Variants in UBE2L6 observed in about 807,000 individuals in gnomAD.
UBE2L6 encodes the protein ubiquitin conjugating enzyme E2 L6.
UBE2L6 carries 11 observed loss-of-function variants against 13.6 expected under a neutral mutation model. The ratio of observed to expected loss-of-function variants is 0.81; its 90% CI spans 0.51 to 1.34. UBE2L6 has a LOEUF of 1.34. Ranked by LOEUF, UBE2L6 falls within the 40% of genes most tolerant of loss-of-function variation. The pLI is 0.00. For synonymous variants in UBE2L6, 74 were observed against 83.2 expected (o/e 0.89, Z 0.60); for missense variants, 197 against 199.5 (o/e 0.99, Z 0.07).
chr11:57,560,783 G>A (rs1002282517), intron 1 of UBE2L6, among the ~76,000 whole-genome samples: 4 of 151,982 alleles, frequency 2.6e-5, no homozygotes, highest in East Asian at 1.9e-4. Flanking sequence ...ACCACGCCCC[G>A]CTAATTTTTT....
intron 1 of UBE2L6, among the ~76,000 whole-genome samples, chr11:57,561,128 T>G (rs186163290): frequency 6.6e-6 from 1 of 152,180 alleles, no homozygotes; most frequent in Non-Finnish European, 1.5e-5. Context: ...TCTAATTCCC[T>G]TCCTCTCTTC....
intron 1 of UBE2L6, among the ~76,000 whole-genome samples, chr11:57,566,572 T>A (rs1257873001): frequency 6.6e-6 from 1 of 151,792 alleles, no homozygotes; most frequent in Non-Finnish European, 1.5e-5. Flanking sequence ...CTGGCTCCCA[T>A]CTCTCTTCCA....
In UBE2L6 at chr11:57,560,278, C is replaced by A. The variant is rs116548881; in HGVS notation, c.123+59G>T. ...TCTTGCCTAGTCCTAACCCTCCCTG[C>A]CCATGTCCCTGGCCTAATTTGGCCC... On this transcript the variant is annotated intron_variant, in intron 2 of 3. Coordinates refer to ENST00000287156, the MANE Select transcript of UBE2L6 (RefSeq NM_004223.5). The A allele has an allele frequency of 2.3e-3, 3,163 of 1,405,076 alleles. 58 individuals are homozygous for A. In the African/African-American group the frequency reaches 0.039, roughly 17 times the overall value. The allele number at this position is 1,405,076 out of a possible 1,614,324, so 87.0% of individuals were successfully genotyped here.
intron 2 of UBE2L6, among the ~76,000 whole-genome samples, chr11:57,554,847 T>A (rs2135273768): frequency 6.6e-6 from 1 of 152,366 alleles, no homozygotes; most frequent in East Asian, 1.9e-4. Flanking sequence ...TGGCTTTTGC[T>A]GTGTGACCAC....
chr11:57,552,192 C>G lies in UBE2L6; in HGVS notation c.*166G>C. The G allele has an allele frequency of 1.0e-6, 1 of 986,094 alleles. No individual in the cohort carries two copies. The highest frequency in any genetic ancestry group is 1.5e-6 in the Non-Finnish European group (1 of 660,684). The allele number at this position is 986,094 out of a possible 1,614,324, so 61.1% of individuals were successfully genotyped here. Reference sequence around the variant, plus strand: ...AGTGAGTCCATACACAACACACACACTCATAGCTCCCTTCCCTCCACCACA... The same window carrying G: ...AGTGAGTCCATACACAACACACACAGTCATAGCTCCCTTCCCTCCACCACA... On this transcript the variant is annotated 3_prime_UTR_variant, in exon 4 of 4. Transcript: ENST00000287156.
upstream of UBE2L6, chr11:57,567,818 C>T (rs1945106335): frequency 1.9e-6 from 1 of 522,220 alleles, no homozygotes; most frequent in African/African-American, 2.0e-5. Flanking sequence ...CCGCCCGATC[C>T]CCGCGCGGAA....
At chr11:57,567,539 G>C (rs201908388) in intron 1 of UBE2L6, 46 bp downstream of exon 1, 2 of 1,598,324 alleles carry the variant, frequency 1.3e-6, no homozygotes, top group East Asian at 4.5e-5. Context: ...GGGAATGCGG[G>C]AGGCGAGGGG....
At chr11:57,556,287 C>T (rs557016390) in intron 2 of UBE2L6, among the ~76,000 whole-genome samples, 1 of 151,976 alleles carries the variant, frequency 6.6e-6, no homozygotes, top group East Asian at 1.9e-4. Context: ...CACTCACTAG[C>T]CATGTGATCT....
intron 2 of UBE2L6, among the ~76,000 whole-genome samples, chr11:57,560,043 C>A (rs1444636516): frequency 6.6e-6 from 1 of 152,144 alleles, no homozygotes; most frequent in Non-Finnish European, 1.5e-5. Flanking sequence ...ATTTCTTCTT[C>A]TTTTTGATGC....
chr11:57,553,663 AT>A (rs1485334472), intron 3 of UBE2L6, among the ~76,000 whole-genome samples: 1 of 152,044 alleles, frequency 6.6e-6, no homozygotes, highest in African/African-American at 2.4e-5. Flanking sequence ...ACCCCTCTCT[AT>A]TAAAAATACA....
intron 1 of UBE2L6, among the ~76,000 whole-genome samples, chr11:57,566,177 A>G (rs1945090394): frequency 6.6e-6 from 1 of 152,224 alleles, no homozygotes; most frequent in African/African-American, 2.4e-5. Flanking sequence ...AGGTCTTGGA[A>G]AGATAAAGAC....
chr11:57,565,905 G>T (rs1314294279), intron 1 of UBE2L6, among the ~76,000 whole-genome samples: 2 of 152,160 alleles, frequency 1.3e-5, no homozygotes, highest in Non-Finnish European at 2.9e-5. Flanking sequence ...TGGACCATTT[G>T]AACTTTCTCT....
chr11:57,560,256 T>G lies in UBE2L6; in HGVS notation c.123+81A>C, dbSNP rs1945028158. On this transcript the variant is annotated intron_variant, in intron 2 of 3. Transcript: ENST00000287156. ...AAGGATCTCAAGCAGGGAAAATTCTTGCCTAGTCCTAACCCTCCCTGCCCA... is the reference window on the plus strand; with the variant it reads ...AAGGATCTCAAGCAGGGAAAATTCTGGCCTAGTCCTAACCCTCCCTGCCCA... The G allele has an allele frequency of 5.5e-6, 6 of 1,092,642 alleles. No individual in the cohort carries two copies. The East Asian group carries it at 1.2e-4, about 22-fold the overall frequency. 67.7% of individuals were successfully genotyped at this position (1,092,642 alleles called of 1,614,324 possible). A position where few individuals can be genotyped will look rare whatever the true frequency, so the allele number is the denominator to read the frequency against.
chr11:57,567,769 C>T (rs1226858547), upstream of UBE2L6: 8 of 879,416 alleles, frequency 9.1e-6, no homozygotes, highest in African/African-American at 1.3e-4. Flanking sequence ...CCCGCTCCGG[C>T]GAGGCCAGGA....
At chr11:57,560,872 A>G (rs1187738167) in intron 1 of UBE2L6, among the ~76,000 whole-genome samples, 3 of 151,846 alleles carry the variant, frequency 2.0e-5, no homozygotes, top group African/African-American at 7.3e-5. Context: ...CGCCCGCCTC[A>G]GCCTCCCAAA....
intron 2 of UBE2L6, among the ~76,000 whole-genome samples, chr11:57,559,635 A>G (rs1945023908): frequency 6.6e-6 from 1 of 152,138 alleles, no homozygotes. Context: ...TCCAAATCCT[A>G]AATGATAAGA....
intron 2 of UBE2L6, among the ~76,000 whole-genome samples, chr11:57,555,760 G>C (rs1190248362): frequency 6.6e-6 from 1 of 152,074 alleles, no homozygotes; most frequent in Non-Finnish European, 1.5e-5. Context: ...AAATTTTTTT[G>C]ATAGGGTCTC....
At chr11:57,555,426 G>C (rs1033043379) in intron 2 of UBE2L6, among the ~76,000 whole-genome samples, 4 of 152,156 alleles carry the variant, frequency 2.6e-5, no homozygotes, top group African/African-American at 9.7e-5. Context: ...GCAGTACCCA[G>C]AATAGTCAAA....
At chr11:57,566,942 T>TG in intron 1 of UBE2L6, 2 of 193,392 alleles carry the variant, frequency 1.0e-5, no homozygotes, top group Non-Finnish European at 2.0e-5. Flanking sequence ...TGTTCATCTC[T>TG]GCCCGCCCCC....
Sources: gnomAD v4.1 joint callset for allele counts (sites outside exome capture counted in the v4.1 genomes callset) on GRCh38, gnomAD v4.1.1 for gene constraint, MANE v1.5 for transcripts, NCBI Gene and HGNC (gene_info 2026-07-23, HGNC 2026-07-21) for gene names.